The following FAM221B variants were observed in gnomAD, a reference collection of about 807,000 sequenced individuals.
The protein encoded by FAM221B is family with sequence similarity 221 member B.
A neutral mutation model predicts 39.8 loss-of-function variants in FAM221B; 35 were observed. The observed-to-expected ratio is 0.88, with a 90% CI of 0.67 to 1.17. The LOEUF is 1.17. FAM221B is among the 50% of genes most tolerant of loss of function. FAM221B has a pLI of 0.00. For synonymous variants in FAM221B, 158 were observed against 178.1 expected (o/e 0.89, Z 0.90); for missense variants, 479 against 503.1 (o/e 0.95, Z 0.46).
At chr9:35,821,712 C>T in intron 3 of FAM221B, 4 of 926,688 alleles carry the variant, frequency 4.3e-6, no homozygotes, top group Non-Finnish European at 6.3e-6. Context: ...GCAGTCAAGT[C>T]CAAGCACTAG....
chr9:35,819,060 G>A, intron 5 of FAM221B, 51 bp from the exon 6 acceptor site: 1 of 1,549,094 alleles, frequency 6.5e-7, no homozygotes. Context: ...GGTATCCCCA[G>A]GAGCTGACCA....
In FAM221B at chr9:35,826,130, T is replaced by C. The variant is rs1230391799; in HGVS notation, c.32A>G (p.His11Arg). Residue 11 changes from histidine to arginine, a missense_variant, in exon 2 of 7, where the codon CAT (histidine) becomes CGT (arginine). By Grantham distance (29) the His-to-Arg change is conservative (BLOSUM62 0). Transcript: ENST00000423537. ...GTGCTTCTCTGCATCCATGGTGATA[T>C]GAGGCTCTTCTATGATCTCATGTGC... MEAHEIIEEP[H>R]ITMDAEKHPP... is the part of the protein sequence containing the mutation. 1.9e-6 allele frequency: 3 copies of C among 1,604,236 alleles called. No individual in the cohort carries two copies. The highest frequency in any genetic ancestry group is 1.1e-5 in the South Asian group (1 of 89,700).
In FAM221B at chr9:35,819,214, TG is replaced by T. The variant is rs771965284; in HGVS notation, c.1033del (p.His345IlefsTer66). ...GAAGTTACCATGATGCCTGCAGGGA[TG>T]GGGCCCAGTGGCTGCATGTTCTTCG... is the stretch of plus-strand genomic sequence containing the variant. Reference protein sequence around the residue: ...SHEEHAATGPHPCRHHGCCCG... With the variant: ...SHEEHAATGPXPCRHHGCCCG... On this transcript the variant is annotated frameshift_variant, in exon 5 of 7. Transcript: ENST00000423537. LOFTEE classifies it high-confidence loss of function. 19 of 1,551,456 alleles carry T rather than the reference TG, an allele frequency of 1.2e-5. No individual in the cohort carries two copies. The highest frequency in any genetic ancestry group is 3.3e-4 in the Middle Eastern group (2 of 6,004).
At chr9:35,826,220 G>A in intron 1 of FAM221B, 59 bp from the exon 2 acceptor site, 1 of 1,352,650 alleles carries the variant, frequency 7.4e-7, no homozygotes, top group Non-Finnish European at 1.0e-6. Context: ...CGGCAAGTCA[G>A]GGCAGAGCCC....
Position 35,825,200 on chromosome 9 carries a change from A to T in FAM221B, c.742+30T>A. 6.2e-7 allele frequency: 1 copy of T among 1,613,730 alleles called. No individual in the cohort carries two copies. Among genetic ancestry groups the T allele is most frequent in the Non-Finnish European group, 8.5e-7 (1 of 1,179,738 alleles). ...ATTAGAGGATGCCCATGGGCCTGTC[A>T]CAGGCCTCTGAAAGGCCACATGGGC... On this transcript the variant is annotated intron_variant, in intron 3 of 6. Transcript: ENST00000423537. The surrounding 1 kb of genome is among the most constrained non-coding windows in gnomAD (Gnocchi z 4.2).
Position 35,828,696 on chromosome 9 carries a change from ACAAGGGGTCTAGGGC to A in FAM221B, c.-249_-235del. The A allele has an allele frequency of 1.0e-6, 1 of 985,444 alleles. No individual in the cohort carries two copies. The highest frequency in any genetic ancestry group is 1.2e-6 in the Non-Finnish European group (1 of 829,974). The allele number at this position is 985,444 out of a possible 1,614,324, so 61.0% of individuals were successfully genotyped here. ...GCATGACCTGGGGAAGTGGGTAGGG[ACAAGGGGTCTAGGGC>A]CAATGAGGGAGGGTCTTGACTGAAG... On this transcript the variant is annotated 5_prime_UTR_variant, in exon 1 of 7. Transcript: ENST00000423537. The surrounding 1 kb of genome is among the most constrained non-coding windows in gnomAD (Gnocchi z 4.5).
chr9:35,818,563 C>T, intron 6 of FAM221B, 57 bp from the exon 7 acceptor site: 3 of 1,509,738 alleles, frequency 2.0e-6, no homozygotes, highest in Non-Finnish European at 2.7e-6. Flanking sequence ...GAAGGGAGGC[C>T]AGGCTGGAGA....
At chr9:35,827,315 A>C (rs1829406575) in intron 1 of FAM221B, among the ~76,000 whole-genome samples, 1 of 151,750 alleles carries the variant, frequency 6.6e-6, no homozygotes, top group South Asian at 2.1e-4. Flanking sequence ...TTGTGTAATA[A>C]CTTTGCCCCT....
At chr9:35,822,158 C>T (rs1829165213) in intron 3 of FAM221B, among the ~76,000 whole-genome samples, 1 of 152,188 alleles carries the variant, frequency 6.6e-6, no homozygotes. Context: ...ATAAGCACTT[C>T]AAATGTCTTA....
Position 35,819,999 on chromosome 9 carries a change from A to T in FAM221B, c.744T>A (p.Gly248=), listed in dbSNP as rs1225557350. 3 of 1,608,530 alleles carry T rather than the reference A, an allele frequency of 1.9e-6. No individual in the cohort carries two copies. Among genetic ancestry groups the T allele is most frequent in the Non-Finnish European group, 2.6e-6 (3 of 1,175,012 alleles). Reference sequence around the variant, plus strand: ...GGGGGCAGCGCCAGCCAATGTAGAGACCTAGGTATGCAGGATTAAAAGTGA... The same window carrying T: ...GGGGGCAGCGCCAGCCAATGTAGAGTCCTAGGTATGCAGGATTAAAAGTGA... ...KDAALNAIQT[G]LYIGWRCPHY... Residue 248 remains glycine, a splice_region_variant and synonymous_variant, in exon 4 of 7, where the codon GGT becomes GGA. Transcript: ENST00000423537.
At position 35,825,263 on chromosome 9, in the gene FAM221B, C is replaced by G; in HGVS notation, c.709G>C (p.Glu237Gln). The change falls in exon 3 of 7, where the codon GAG becomes CAG. Residue 237 changes from glutamate (E) to glutamine (Q), a missense_variant. Transcript: ENST00000423537. The surrounding 1 kb of genome is among the most constrained non-coding windows in gnomAD (Gnocchi z 4.2). ...GAQVNNLFQWEKDAALNAIQT... is the reference protein window; with the variant it reads ...GAQVNNLFQWQKDAALNAIQT... The stretch of plus-strand genomic sequence containing the variant: ...ATGGCATTCAGGGCTGCATCCTTCT[C>G]CCACTGGAAAAGATTGTTCACTTGA... 1 of 1,614,232 alleles carries G rather than the reference C, an allele frequency of 6.2e-7. No homozygotes were observed. The highest frequency in any genetic ancestry group is 2.2e-5 in the East Asian group (1 of 44,896).
chr9:35,824,456 A>C (rs1465874085), intron 3 of FAM221B, among the ~76,000 whole-genome samples: 3 of 152,174 alleles, frequency 2.0e-5, no homozygotes, highest in East Asian at 1.9e-4. Context: ...CTTTGGTAAC[A>C]GAACTCAAAG....
intron 3 of FAM221B, among the ~76,000 whole-genome samples, chr9:35,824,745 A>G (rs1406044714): frequency 4.7e-5 from 7 of 148,574 alleles, no homozygotes; most frequent in South Asian, 2.1e-4. Context: ...GCAGTGGCGC[A>G]ATCTCGGCTC....
rs1336894005 is a variant in FAM221B at position 35,817,449 on chromosome 9, T to G, written c.*1020A>C. On this transcript the variant is annotated 3_prime_UTR_variant, in exon 7 of 7. Transcript: ENST00000423537. ...TCACTTTCTTTCCCTATTGGTGCTG[T>G]ATGCTCCCTTCACATCCTCATGCCT... 1 of 152,328 alleles carries G rather than the reference T, an allele frequency of 6.6e-6. No individual in the cohort carries two copies. Among genetic ancestry groups the G allele is most frequent in the Non-Finnish European group, 1.5e-5 (1 of 68,098 alleles). The allele number at this position is 152,328 out of a possible 1,614,324, so 9.4% of individuals were successfully genotyped here.
chr9:35,823,957 G>A (rs1431981295), intron 3 of FAM221B, among the ~76,000 whole-genome samples: 1 of 148,412 alleles, frequency 6.7e-6, no homozygotes, highest in African/African-American at 2.5e-5. Flanking sequence ...GAGCCACCTT[G>A]CCAGCCAGAA....
chr9:35,818,537 T>C (rs1228384458), intron 6 of FAM221B, 31 bp from the exon 7 acceptor site: 2 of 1,549,832 alleles, frequency 1.3e-6, no homozygotes, highest in Non-Finnish European at 1.7e-6. Flanking sequence ...GGTGAAAGGG[T>C]CAGGTATGGG....
At position 35,817,326 on chromosome 9, in the gene FAM221B, T is replaced by G. The variant is rs975914613; in HGVS notation, c.*1143A>C. On this transcript the variant is annotated 3_prime_UTR_variant, in exon 7 of 7. Transcript: ENST00000423537. Reference sequence around the variant, plus strand: ...TGCAGCCTCTGAACACTGTCTCTTGTACTCCAACCCCTGCCCCTACGTCTG... The same window carrying G: ...TGCAGCCTCTGAACACTGTCTCTTGGACTCCAACCCCTGCCCCTACGTCTG... 3.3e-5 allele frequency: 5 copies of G among 152,348 alleles called. No individual in the cohort carries two copies. Among genetic ancestry groups the G allele is most frequent in the Non-Finnish European group, 7.3e-5 (5 of 68,086 alleles). 9.4% of individuals were successfully genotyped at this position (152,348 alleles called of 1,614,324 possible). A position where few individuals can be genotyped will look rare whatever the true frequency, so the allele number is the denominator to read the frequency against.
intron 3 of FAM221B, chr9:35,821,648 TA>T (rs780572870): frequency 1.6e-5 from 22 of 1,363,520 alleles, no homozygotes; most frequent in Non-Finnish European, 2.0e-5. Context: ...CAGGATACAT[TA>T]AAAAAGCAGG....
At chr9:35,826,574 G>A (rs1216155204) in intron 1 of FAM221B, among the ~76,000 whole-genome samples, 1 of 152,188 alleles carries the variant, frequency 6.6e-6, no homozygotes, top group Non-Finnish European at 1.5e-5. Context: ...CCAAGCCAAA[G>A]TTGGGGTTGG....
Sources: gnomAD v4.1 joint callset for allele counts (sites outside exome capture counted in the v4.1 genomes callset) on GRCh38, gnomAD v4.1.1 for gene constraint, Gnocchi (gnomAD v3.1) non-coding constraint, MANE v1.5 for transcripts, NCBI Gene and HGNC (gene_info 2026-07-23, HGNC 2026-07-21) for gene names.